Variants in RUBCN observed in about 807,000 individuals in gnomAD.
RUBCN encodes the protein run domain Beclin-1-interacting and cysteine-rich domain-containing protein.
Under a neutral mutation model 113.2 loss-of-function variants are expected in RUBCN, and 74 were observed. The ratio of observed to expected loss-of-function variants is 0.65; its 90% CI spans 0.54 to 0.79. The LOEUF (loss-of-function observed/expected upper bound fraction) is 0.79, where lower values mean the gene tolerates loss of function less well. Ranked by LOEUF, RUBCN falls within the 30% of genes least tolerant of loss-of-function variation. RUBCN has a pLI of 0.00. For missense variants in RUBCN, 1,109 were observed against 1,251.7 expected, an observed-to-expected ratio of 0.89 and a Z score of 1.72; for synonymous variants, 480 against 490.0, an observed-to-expected ratio of 0.98 and a Z score of 0.27.
intron 2 of RUBCN, among the ~76,000 whole-genome samples, chr3:197,711,708 A>C (rs1724985230): frequency 6.6e-6 from 1 of 152,138 alleles, no homozygotes; most frequent in Non-Finnish European, 1.5e-5. Context: ...CTCTGTAAGG[A>C]AACTAGTAAA....
intron 1 of RUBCN, among the ~76,000 whole-genome samples, chr3:197,733,729 C>G (rs911226840): frequency 6.6e-6 from 1 of 152,140 alleles, no homozygotes; most frequent in Non-Finnish European, 1.5e-5. Context: ...ATGCCTATAA[C>G]AATGACGGGA....
chr3:197,737,810 G>A (rs891281803), upstream of RUBCN, among the ~76,000 whole-genome samples: 3 of 152,168 alleles, frequency 2.0e-5, no homozygotes, highest in Non-Finnish European at 4.4e-5. Flanking sequence ...ATCCTTATGG[G>A]GGATAACCAA....
exon 1 of RUBCN, chr3:197,749,579 G>C (rs924786519): frequency 3.9e-6 from 5 of 1,284,088 alleles, no homozygotes; most frequent in Non-Finnish European, 1.0e-6. Flanking sequence ...CCGAAGTATA[G>C]GGGACCTGTC....
At chr3:197,742,983 G>T (rs545840024) in intron 1 of RUBCN, among the ~76,000 whole-genome samples, 1 of 152,184 alleles carries the variant, frequency 6.6e-6, no homozygotes, top group South Asian at 2.1e-4. Context: ...CCTAGGGAGG[G>T]CAAGGCCTAA....
intron 18 of RUBCN, chr3:197,676,625 G>A (rs73891688): frequency 8.9e-6 from 12 of 1,354,452 alleles, no homozygotes; most frequent in Non-Finnish European, 3.8e-6. Flanking sequence ...CACTTCTTGA[G>A]TGAAAGTCTA....
chr3:197,730,250 C>T (rs912007240), intron 1 of RUBCN, among the ~76,000 whole-genome samples: 1 of 152,204 alleles, frequency 6.6e-6, no homozygotes, highest in African/African-American at 2.4e-5. Context: ...AGATCTCACC[C>T]TCCCTTAGGA....
Position 197,694,560 on chromosome 3 carries a change from T to C in RUBCN, c.1499A>G (p.Glu500Gly). ...TAGCTCGATGGCAGCAATTAAGGAC[T>C]CTGAGATGCTGAAGTGGGCATTCTC... ...EKENAHFSIS[E>G]SLIAAIELMK... is the part of the protein sequence containing the mutation. The change falls in exon 10 of 20, where the codon GAG becomes GGG. Residue 500 changes from glutamate (E) to glycine (G), a missense_variant. Physicochemically the swap from Glu to Gly is moderately conservative, Grantham distance 98. Coordinates refer to ENST00000296343, the MANE Select transcript of RUBCN (RefSeq NM_014687.4). 6.2e-7 allele frequency: 1 copy of C among 1,614,188 alleles called. No individual in the cohort carries two copies.
At chr3:197,704,445 A>G in intron 4 of RUBCN, 97 bp downstream of exon 4, 1 of 1,229,246 alleles carries the variant, frequency 8.1e-7, no homozygotes. Context: ...AAAGAAAAAA[A>G]GAAAAATAGG....
chr3:197,704,845 T>G, intron 3 of RUBCN, 144 bp from the exon 4 acceptor site: 1 of 1,015,040 alleles, frequency 9.9e-7, no homozygotes, highest in Non-Finnish European at 1.5e-6. Context: ...GGCAGGCTTT[T>G]TTGAAAATAG....
At chr3:197,676,551 G>A (rs1720451251) in intron 18 of RUBCN, 1 of 1,109,872 alleles carries the variant, frequency 9.0e-7, no homozygotes, top group African/African-American at 1.6e-5. Flanking sequence ...GACCTCAGGT[G>A]ACCCGCCCAC....
intron 7 of RUBCN, among the ~76,000 whole-genome samples, chr3:197,698,123 C>T (rs1311529229): frequency 6.6e-6 from 1 of 152,220 alleles, no homozygotes; most frequent in African/African-American, 2.4e-5. Flanking sequence ...TGTGGCCATT[C>T]AGCCTTTACT....
intron 2 of RUBCN, among the ~76,000 whole-genome samples, chr3:197,708,641 C>T (rs1724602885): frequency 6.6e-6 from 1 of 151,306 alleles, no homozygotes; most frequent in Non-Finnish European, 1.5e-5. Flanking sequence ...CAAAGAAGCA[C>T]TCAAGTTGGG....
Position 197,704,622 on chromosome 3 carries a change from T to G in RUBCN, c.383A>C (p.His128Pro), listed in dbSNP as rs755808522. 1.2e-6 allele frequency: 2 copies of G among 1,614,064 alleles called. No homozygotes were observed. Among genetic ancestry groups the G allele is most frequent in the Admixed American group, 3.3e-5 (2 of 60,026 alleles). The change falls in exon 4 of 20, where the codon CAC (histidine) becomes CCC (proline). Residue 128 changes from histidine (H) to proline (P), a missense_variant. Around this residue, in one of 3 missense-constraint regions of RUBCN, gnomAD observed 736 missense variants for 779.6 expected, o/e 0.94. Coordinates refer to ENST00000296343, the MANE Select transcript of RUBCN (RefSeq NM_014687.4). Reference sequence around the variant, plus strand: ...TGAGAGGCAGTGGTACTGCAGGCTGTGCTGCAGCCACAGCTCGGCAACAGC... The same window carrying G: ...TGAGAGGCAGTGGTACTGCAGGCTGGGCTGCAGCCACAGCTCGGCAACAGC... ...ERAVAELWLQ[H>P]SLQYHCLSAQ... is the part of the protein sequence containing the mutation.
chr3:197,685,032 C>T lies in RUBCN; in HGVS notation c.1787-815G>A, dbSNP rs146298951. On this transcript the variant is annotated intron_variant, in intron 11 of 19. Coordinates refer to ENST00000296343, the MANE Select transcript of RUBCN (RefSeq NM_014687.4). ...CTCTGGAGATGCCTGGTTACCAACA[C>T]GTTTTGACAAAGATGGTCAACATGA... Among the ~76,000 whole-genome samples, 402 of 152,304 alleles carry T rather than the reference C, an allele frequency of 2.6e-3. 4 individuals carry two copies. The highest frequency in any genetic ancestry group is 9.4e-3 in the African/African-American group (389 of 41,562).
intron 11 of RUBCN, among the ~76,000 whole-genome samples, chr3:197,690,166 G>A (rs1965302): frequency 0.77 from 117,160 of 152,224 alleles, 45,616 homozygotes; most frequent in East Asian, 0.95. Context: ...TGGGCCTGGC[G>A]TGGTGGCTCA....
rs1329107270 is a variant in RUBCN, at chr3:197,699,239, T to A, written c.1261+1374A>T. ...TGATATTCCTGGGGCCTCCTGCCGG[T>A]AGACAGACAGGTGCAGAGGAGAGTC... On this transcript the variant is annotated intron_variant, in intron 7 of 19. Transcript: ENST00000296343. 4 of 1,545,294 alleles carry A rather than the reference T, an allele frequency of 2.6e-6. No homozygotes were observed. The East Asian group carries it at 9.8e-5, about 38-fold the overall frequency.
chr3:197,691,633 C>T lies in RUBCN; in HGVS notation c.1786+2082G>A, dbSNP rs181234023. Among the ~76,000 whole-genome samples the T allele has an allele frequency of 2.4e-3, 365 of 152,300 alleles. 14 individuals carry two copies. Among genetic ancestry groups the T allele is most frequent in the Admixed American group, 0.024 (364 of 15,300 alleles). On this transcript the variant is annotated intron_variant, in intron 11 of 19. Transcript: ENST00000296343. ...AACATCTCCTCAGGGCCTACAACCG[C>T]AGCAACAGTTTCTAACAGGAGTGTG...
intron 1 of RUBCN, among the ~76,000 whole-genome samples, chr3:197,720,552 C>T (rs536366025): frequency 2.0e-5 from 3 of 152,138 alleles, no homozygotes; most frequent in East Asian, 1.9e-4. Context: ...GGACTACAGG[C>T]GCAGGCTACC....
intron 2 of RUBCN, among the ~76,000 whole-genome samples, chr3:197,709,980 G>A (rs185450762): frequency 5.5e-4 from 83 of 151,940 alleles, no homozygotes; most frequent in African/African-American, 1.9e-3. Flanking sequence ...AGGCCAGCCT[G>A]GCCAATATGT....
Sources: gnomAD v4.1 joint callset for allele counts (sites outside exome capture counted in the v4.1 genomes callset) on GRCh38, gnomAD v4.1.1 for gene constraint, gnomAD v4.1.1 regional missense constraint, MANE v1.5 for transcripts, NCBI Gene and HGNC (gene_info 2026-07-23, HGNC 2026-07-21) for gene names.